NWD2: variants seen among roughly 807,000 people sequenced by gnomAD.
The protein encoded by NWD2 is NACHT and WD repeat domain containing 2.
NWD2 carries 37 observed loss-of-function variants against 132.7 expected under a neutral mutation model. The observed-to-expected ratio is 0.28, with a 90% CI of 0.21 to 0.37. NWD2 has a LOEUF of 0.37. NWD2 is among the 10% of genes least tolerant of loss of function. The pLI is 1.00. For synonymous variants in NWD2, 705 were observed against 803.0 expected (o/e 0.88, Z 2.06); for missense variants, 1,592 against 2,122.4 (o/e 0.75, Z 4.91).
At chr4:37,378,373 C>T (rs1258820557) in intron 3 of NWD2, among the ~76,000 whole-genome samples, 1 of 152,190 alleles carries the variant, frequency 6.6e-6, no homozygotes, top group Non-Finnish European at 1.5e-5. Context: ...ACAGTCCCCC[C>T]AAAATCATAG....
At chr4:37,282,036 G>A (rs1348459305) in intron 1 of NWD2, among the ~76,000 whole-genome samples, 2 of 152,070 alleles carry the variant, frequency 1.3e-5, no homozygotes, top group Admixed American at 6.6e-5. Flanking sequence ...CTTCTTTATA[G>A]TCAGTATAAT....
At chr4:37,323,783 C>T (rs1165677730) in intron 1 of NWD2, among the ~76,000 whole-genome samples, 1 of 151,292 alleles carries the variant, frequency 6.6e-6, no homozygotes, top group Non-Finnish European at 1.5e-5. Context: ...GATATGGAAT[C>T]AACCTAGGTG....
intron 3 of NWD2, among the ~76,000 whole-genome samples, chr4:37,405,441 G>T (rs975742951): frequency 1.3e-5 from 1 of 77,284 alleles, no homozygotes; most frequent in African/African-American, 4.1e-5. Flanking sequence ...GAATAGAATA[G>T]AATAGAATAG....
chr4:37,325,802 A>G, intron 1 of NWD2, 134 bp from the exon 2 acceptor site: 1 of 579,584 alleles, frequency 1.7e-6, no homozygotes, highest in African/African-American at 1.9e-5. Context: ...ACAGCCAAAT[A>G]TCCTGTTATT....
rs1286686911 is a variant in NWD2 at position 37,433,935 on chromosome 4, C to T, written c.621C>T (p.Ile207=). ...EKTWQEISDE[I]KKIFKAAVKL... is the part of the protein sequence containing the mutation. ...CATGGCAAGAGATATCAGATGAGAT[C>T]AAGAAGATATTTAAGGCTGCTGTAA... Residue 207 remains isoleucine (I), a synonymous_variant, in exon 5 of 7, where the codon ATC becomes ATT. Coordinates refer to ENST00000309447, the MANE Select transcript of NWD2 (RefSeq NM_001144990.2). 2.6e-6 allele frequency: 4 copies of T among 1,549,454 alleles called. No individual in the cohort carries two copies. The highest frequency in any genetic ancestry group is 1.7e-4 in the Middle Eastern group (1 of 6,006).
intron 3 of NWD2, among the ~76,000 whole-genome samples, chr4:37,424,180 A>T (rs1170668564): frequency 6.6e-6 from 1 of 152,190 alleles, no homozygotes; most frequent in Non-Finnish European, 1.5e-5. Context: ...ACAGTGCCCC[A>T]TGGAGTTCTG....
At chr4:37,306,878 G>C (rs929895896) in intron 1 of NWD2, among the ~76,000 whole-genome samples, 1 of 152,090 alleles carries the variant, frequency 6.6e-6, no homozygotes, top group Non-Finnish European at 1.5e-5. Context: ...CAAAAAATTA[G>C]CCAGGCGTGG....
chr4:37,338,163 A>G (rs1719447447), intron 2 of NWD2, among the ~76,000 whole-genome samples: 1 of 152,342 alleles, frequency 6.6e-6, no homozygotes, highest in South Asian at 2.1e-4. Context: ...AGTATTTACC[A>G]GATTTCATTG....
chr4:37,253,570 G>A (rs746164066), intron 1 of NWD2, among the ~76,000 whole-genome samples: 12 of 152,130 alleles, frequency 7.9e-5, no homozygotes, highest in Admixed American at 4.6e-4. Context: ...GGAGGTCCTC[G>A]TTACATCACA....
At chr4:37,386,115 G>A (rs563446677) in intron 3 of NWD2, among the ~76,000 whole-genome samples, 5 of 152,212 alleles carry the variant, frequency 3.3e-5, no homozygotes, top group African/African-American at 1.2e-4. Flanking sequence ...TAGGGATTTT[G>A]TGAGATTTAT....
chr4:37,315,974 TTTA>T (rs1718948672), intron 1 of NWD2, among the ~76,000 whole-genome samples: 1 of 152,060 alleles, frequency 6.6e-6, no homozygotes, highest in Non-Finnish European at 1.5e-5. Context: ...TCTCCTTTGT[TTTA>T]TTATTGTCAT....
chr4:37,285,569 A>G (rs1718214175), intron 1 of NWD2, among the ~76,000 whole-genome samples: 1 of 152,212 alleles, frequency 6.6e-6, no homozygotes, highest in Non-Finnish European at 1.5e-5. Context: ...ATTTTATTTT[A>G]TTAACTGCTG....
intron 2 of NWD2, among the ~76,000 whole-genome samples, chr4:37,343,346 C>A (rs1719569348): frequency 6.6e-6 from 1 of 152,198 alleles, no homozygotes; most frequent in Non-Finnish European, 1.5e-5. Context: ...CAGCTCTGTA[C>A]ACTTGAATAT....
At chr4:37,309,491 G>T (rs1718784321) in intron 1 of NWD2, among the ~76,000 whole-genome samples, 1 of 152,134 alleles carries the variant, frequency 6.6e-6, no homozygotes, top group Non-Finnish European at 1.5e-5. Flanking sequence ...GCTCAGAAAT[G>T]CAGAGAAGCA....
At position 37,339,957 on chromosome 4, in the gene NWD2, T is replaced by G. The variant is rs576742727; in HGVS notation, c.240+13933T>G. ...ATTTGAATTTCTGTTTCTGGTTGTT[T>G]TTTTTTTTTTTCACTGAAGATAATG... is the stretch of plus-strand genomic sequence containing the variant. On this transcript the variant is annotated intron_variant, in intron 2 of 6. Coordinates refer to ENST00000309447, the MANE Select transcript of NWD2 (RefSeq NM_001144990.2). 1.4e-3 allele frequency among the ~76,000 whole-genome samples: 192 copies of G among 141,492 alleles called. 1 individual carries two copies. Among genetic ancestry groups the G allele is most frequent in the African/African-American group, 5.2e-3 (168 of 32,154 alleles). 92.8% of individuals were successfully genotyped at this position (141,492 alleles called of 152,430 possible). A position where few individuals can be genotyped will look rare whatever the true frequency, so the allele number is the denominator to read the frequency against.
chr4:37,412,899 G>T (rs1327106968), intron 3 of NWD2, among the ~76,000 whole-genome samples: 4 of 152,122 alleles, frequency 2.6e-5, no homozygotes, highest in African/African-American at 4.8e-5. Context: ...CCTATTTAAT[G>T]AATGGTGTTG....
chr4:37,325,824 C>G, intron 1 of NWD2, 112 bp from the exon 2 acceptor site: 1 of 625,148 alleles, frequency 1.6e-6, no homozygotes, highest in South Asian at 2.1e-5. Flanking sequence ...CACAATCCAG[C>G]ACCTCAACTT....
At position 37,444,122 on chromosome 4, in the gene NWD2, A is replaced by T. The variant is rs1186408507; in HGVS notation, c.2134A>T (p.Lys712Ter). Residue 712 changes from lysine (K) to a stop codon, truncating the protein, a stop_gained, in exon 7 of 7, where the codon AAG becomes TAG. Transcript: ENST00000309447. LOFTEE classifies it high-confidence loss of function. This position sits in a 1 kb window ranked among gnomAD's most constrained non-coding sequence, Gnocchi z 4.8. ...ACCTTACTTGTACATTGCAAGGCTC[A>T]AGGAGGGTCTCAGTGGATACCTAAT... ...RVPYLYIARL[K>*]EGLSGYLIER... 6.4e-7 allele frequency: 1 copy of T among 1,551,804 alleles called. No individual in the cohort carries two copies.
intron 3 of NWD2, among the ~76,000 whole-genome samples, chr4:37,380,982 G>A (rs1049826540): frequency 6.6e-6 from 1 of 152,172 alleles, no homozygotes; most frequent in Non-Finnish European, 1.5e-5. Flanking sequence ...CAGGTAGATG[G>A]AGATTAAAAT....
Sources: gnomAD v4.1 joint callset for allele counts (sites outside exome capture counted in the v4.1 genomes callset) on GRCh38, gnomAD v4.1.1 for gene constraint, Gnocchi (gnomAD v3.1) non-coding constraint, MANE v1.5 for transcripts, NCBI Gene and HGNC (gene_info 2026-07-23, HGNC 2026-07-21) for gene names.